HNRNPF: variants seen among roughly 807,000 people sequenced by gnomAD.
HNRNPF encodes heterogeneous nuclear ribonucleoprotein F, also known as HnRNP F protein.
A neutral mutation model predicts 26.0 loss-of-function variants in HNRNPF; 2 were observed. That is an observed-to-expected ratio of 0.08 (90% confidence interval 0.03 to 0.24). The LOEUF (loss-of-function observed/expected upper bound fraction) is 0.24, where lower values mean the gene tolerates loss of function less well. Ranked by LOEUF, HNRNPF falls within the 10% of genes least tolerant of loss-of-function variation. The pLI is 1.00. For missense variants in HNRNPF, 299 were observed against 539.2 expected (o/e 0.55, Z 4.41); for synonymous variants, 234 against 211.5 (o/e 1.11, Z -0.92).
rs1305575784 is a variant in HNRNPF, at chr10:43,386,359, AACAT to A, written c.*274_*277del. The A allele has an allele frequency of 3.1e-6, 1 of 323,516 alleles. No homozygotes were observed. Among genetic ancestry groups the A allele is most frequent in the Non-Finnish European group, 5.6e-6 (1 of 178,576 alleles). The allele number at this position is 323,516 out of a possible 1,614,324, so 20.0% of individuals were successfully genotyped here. On this transcript the variant is annotated 3_prime_UTR_variant, in exon 4 of 4. Transcript: ENST00000682386. The stretch of plus-strand genomic sequence containing the variant: ...GATGTGGTGTAAAAGATCCACATTT[AACAT>A]ACTTAAACTACTTAAACTTAGATAA...
At chr10:43,395,561 A>G (rs1285156999) in intron 2 of HNRNPF, among the ~76,000 whole-genome samples, 2 of 152,236 alleles carry the variant, frequency 1.3e-5, no homozygotes, top group African/African-American at 4.8e-5. Flanking sequence ...GCAAACTTCC[A>G]GTGATTATTA....
At chr10:43,391,671 G>GGA (rs5784597) in intron 3 of HNRNPF, among the ~76,000 whole-genome samples, 48,046 of 151,818 alleles carry the variant, frequency 0.32, 9,592 homozygotes, top group African/African-American at 0.58. Context: ...TCAGAGTCCA[G>GGA]GAGTTTGTAA....
intron 1 of HNRNPF, chr10:43,397,282 C>G (rs992402130): frequency 6.6e-6 from 1 of 152,150 alleles, no homozygotes; most frequent in African/African-American, 2.4e-5. Context: ...GGACGTGGGT[C>G]ACGGGGTGCA....
chr10:43,408,643 C>A (rs1472312836), intron 1 of HNRNPF: 1 of 152,118 alleles, frequency 6.6e-6, no homozygotes, highest in Non-Finnish European at 1.5e-5. Flanking sequence ...ATCCCACCCC[C>A]CGTCCCCACC....
At chr10:43,391,520 G>A (rs900921689) in intron 3 of HNRNPF, among the ~76,000 whole-genome samples, 4 of 151,880 alleles carry the variant, frequency 2.6e-5, no homozygotes, top group Admixed American at 2.0e-4. Flanking sequence ...TAGAGTAAGC[G>A]GGCCCTCAAT....
intron 1 of HNRNPF, among the ~76,000 whole-genome samples, chr10:43,405,383 G>A (rs1334166372): frequency 4.6e-5 from 7 of 152,204 alleles, no homozygotes; most frequent in African/African-American, 1.4e-4. Context: ...CATGCCGGGC[G>A]CGGTGGCTCA....
At chr10:43,393,566 A>C (rs1838338750) in intron 3 of HNRNPF, among the ~76,000 whole-genome samples, 1 of 151,818 alleles carries the variant, frequency 6.6e-6, no homozygotes, top group Non-Finnish European at 1.5e-5. Flanking sequence ...ACTGCACTCC[A>C]GCCTAGGCAA....
intron 1 of HNRNPF, among the ~76,000 whole-genome samples, chr10:43,399,817 C>T (rs1458163474): frequency 1.3e-5 from 2 of 152,174 alleles, no homozygotes; most frequent in African/African-American, 4.8e-5. Flanking sequence ...TAAAGAGACA[C>T]AGTTCCTGCC....
intron 3 of HNRNPF, among the ~76,000 whole-genome samples, chr10:43,391,643 G>A (rs1838252756): frequency 6.7e-6 from 1 of 149,824 alleles, no homozygotes; most frequent in Admixed American, 6.6e-5. Flanking sequence ...TCTTGGAAGT[G>A]GACTTTGTGA....
intron 1 of HNRNPF, chr10:43,396,833 A>G (rs1435460521): frequency 7.2e-6 from 1 of 137,942 alleles, no homozygotes; most frequent in African/African-American, 2.7e-5. Flanking sequence ...CGAGCGGCGC[A>G]GCGGGGAGAG....
chr10:43,403,263 CT>C (rs1410092681), intron 1 of HNRNPF, among the ~76,000 whole-genome samples: 3 of 152,188 alleles, frequency 2.0e-5, no homozygotes, highest in Admixed American at 2.0e-4. Flanking sequence ...AGCAATCCGC[CT>C]GCCTTGGCCC....
At chr10:43,398,144 C>T (rs1404386687) in intron 1 of HNRNPF, among the ~76,000 whole-genome samples, 1 of 152,014 alleles carries the variant, frequency 6.6e-6, no homozygotes, top group Non-Finnish European at 1.5e-5. Context: ...TCTCCTGCCT[C>T]AGCCTCCCGA....
chr10:43,393,145 C>T (rs1039078971), intron 3 of HNRNPF, among the ~76,000 whole-genome samples: 1 of 152,206 alleles, frequency 6.6e-6, no homozygotes, highest in East Asian at 1.9e-4. Context: ...GTTCCTAACA[C>T]GTTGAATGGC....
chr10:43,403,249 C>T (rs534438954), intron 1 of HNRNPF, among the ~76,000 whole-genome samples: 2 of 152,236 alleles, frequency 1.3e-5, no homozygotes, highest in African/African-American at 4.8e-5. Flanking sequence ...GACTCCTGGC[C>T]TCAAGCAATC....
At chr10:43,406,236 A>T (rs1240446700) in intron 1 of HNRNPF, among the ~76,000 whole-genome samples, 5 of 152,204 alleles carry the variant, frequency 3.3e-5, no homozygotes, top group Admixed American at 6.5e-5. Flanking sequence ...CAGCCCCTGC[A>T]GGCATCTACC....
chr10:43,387,426 C>T lies in HNRNPF; in HGVS notation c.459G>A (p.Gly153=). The change falls in exon 4 of 4, where the codon GGG becomes GGA. Residue 153 remains glycine (G), a synonymous_variant. Coordinates refer to ENST00000682386, the MANE Select transcript of HNRNPF (RefSeq NM_001098204.2). This position sits in a 1 kb window ranked among gnomAD's most constrained non-coding sequence, Gnocchi z 6.0. ...GCGAGGCAAACTGCACGAACGCTTC[C>T]CCTGTAATCTTGCCTTCGGGGTCCA... is the stretch of plus-strand genomic sequence containing the variant. The part of the protein sequence containing the change: ...LPVDPEGKIT[G]EAFVQFASQE... The T allele has an allele frequency of 6.2e-7, 1 of 1,614,216 alleles. No individual in the cohort carries two copies. The highest frequency in any genetic ancestry group is 8.5e-7 in the Non-Finnish European group (1 of 1,180,040).
intron 1 of HNRNPF, among the ~76,000 whole-genome samples, chr10:43,406,959 C>T (rs1444682692): frequency 1.3e-5 from 2 of 152,232 alleles, no homozygotes; most frequent in South Asian, 2.1e-4. Flanking sequence ...GTGAGAGCAA[C>T]GAGTCACTTT....
At chr10:43,404,301 T>TTA (rs576325340) in intron 1 of HNRNPF, among the ~76,000 whole-genome samples, 6 of 135,328 alleles carry the variant, frequency 4.4e-5, no homozygotes, top group African/African-American at 1.4e-4. Context: ...AATCCGTCTA[T>TTA]AAAAAAAAAA....
intron 1 of HNRNPF, among the ~76,000 whole-genome samples, chr10:43,399,767 A>G (rs370386949): frequency 8.5e-5 from 13 of 152,234 alleles, no homozygotes; most frequent in East Asian, 3.8e-4. Flanking sequence ...TGACTCACCA[A>G]GAAATACTAC....
Sources: gnomAD v4.1 joint callset for allele counts (sites outside exome capture counted in the v4.1 genomes callset) on GRCh38, gnomAD v4.1.1 for gene constraint, Gnocchi (gnomAD v3.1) non-coding constraint, MANE v1.5 for transcripts, NCBI Gene and HGNC (gene_info 2026-07-23, HGNC 2026-07-21) for gene names.